PLCL1: variants seen among roughly 807,000 people sequenced by gnomAD.
PLCL1 encodes the protein phospholipase C like 1 (inactive), also known as inactive phospholipase C-like protein 1.
Under a neutral mutation model 84.4 loss-of-function variants are expected in PLCL1, and 41 were observed. The ratio of observed to expected loss-of-function variants is 0.49; its 90% CI spans 0.38 to 0.63. PLCL1 has a LOEUF of 0.63. Ranked by LOEUF, PLCL1 falls within the 30% of genes least tolerant of loss-of-function variation. The pLI is 0.00. For synonymous variants in PLCL1, 490 were observed against 488.3 expected, an observed-to-expected ratio of 1.00 and a Z score of -0.05; for missense variants, 1,206 against 1,367.8, an observed-to-expected ratio of 0.88 and a Z score of 1.87.
chr2:197,998,342 T>C (rs1690518917), intron 1 of PLCL1, among the ~76,000 whole-genome samples: 1 of 152,116 alleles, frequency 6.6e-6, no homozygotes, highest in Non-Finnish European at 1.5e-5. Flanking sequence ...TATTCTCAAC[T>C]AACATTCTTC....
chr2:198,135,169 C>T (rs1352110175), intron 5 of PLCL1, among the ~76,000 whole-genome samples: 2 of 152,084 alleles, frequency 1.3e-5, no homozygotes, highest in Non-Finnish European at 2.9e-5. Context: ...TCTATAGAAG[C>T]TCCTTCTGTA....
intron 5 of PLCL1, among the ~76,000 whole-genome samples, chr2:198,133,872 A>C (rs181897941): frequency 6.6e-6 from 1 of 152,330 alleles, no homozygotes; most frequent in East Asian, 1.9e-4. Context: ...GTTTTGGGAC[A>C]ACTGGGGAAA....
Position 198,086,050 on chromosome 2 carries a change from A to T in PLCL1, c.2533A>T (p.Ile845Leu), listed in dbSNP as rs1216853108. The T allele has an allele frequency of 6.2e-7, 1 of 1,613,990 alleles. No individual in the cohort carries two copies. Among genetic ancestry groups the T allele is most frequent in the Non-Finnish European group, 8.5e-7 (1 of 1,180,008 alleles). ...IMEHVTLFVH[I>L]AITNRSGGGK... ...GGAGCACGTAACCCTTTTTGTCCACATAGCAATAACTAATCGAAGTGGAGG... is the reference window on the plus strand; with the variant it reads ...GGAGCACGTAACCCTTTTTGTCCACTTAGCAATAACTAATCGAAGTGGAGG... The change falls in exon 2 of 6, where the codon ATA becomes TTA. Residue 845 changes from isoleucine (I) to leucine (L), a missense_variant. Transcript: ENST00000428675.
chr2:197,925,698 C>T (rs904742349), intron 1 of PLCL1, among the ~76,000 whole-genome samples: 9 of 152,104 alleles, frequency 5.9e-5, no homozygotes, highest in Non-Finnish European at 1.0e-4. Flanking sequence ...GCTAGTTGTA[C>T]TTAAACTACA....
intron 1 of PLCL1, among the ~76,000 whole-genome samples, chr2:197,903,533 G>A (rs1688312970): frequency 7.8e-6 from 1 of 128,608 alleles, no homozygotes; most frequent in Admixed American, 8.9e-5. Context: ...GCCCAGGCTG[G>A]AGTGCAGTGG....
At chr2:197,974,516 T>C (rs1689928955) in intron 1 of PLCL1, among the ~76,000 whole-genome samples, 1 of 152,260 alleles carries the variant, frequency 6.6e-6, no homozygotes. Context: ...ACATCACTTT[T>C]ATCTGATAAT....
intron 1 of PLCL1, among the ~76,000 whole-genome samples, chr2:198,018,509 T>C (rs138265523): frequency 2.3e-3 from 355 of 152,226 alleles, no homozygotes; most frequent in Non-Finnish European, 4.0e-3. Context: ...AGCACAGCAG[T>C]CTGAAATTGA....
chr2:198,045,575 T>C (rs1328703254), intron 1 of PLCL1, among the ~76,000 whole-genome samples: 1 of 152,178 alleles, frequency 6.6e-6, no homozygotes, highest in Non-Finnish European at 1.5e-5. Context: ...AAGAAATAAT[T>C]GTTTTGCATT....
chr2:198,118,429 TTCCTCTTTAAATAACAGC>T (rs1186953266), intron 5 of PLCL1, among the ~76,000 whole-genome samples: 1 of 151,940 alleles, frequency 6.6e-6, no homozygotes, highest in Non-Finnish European at 1.5e-5. Context: ...ACTACTGTCC[TTCCTCTTTAAATAACAGC>T]TCCTGGGAAG....
chr2:197,967,896 T>G (rs1308649213), intron 1 of PLCL1, among the ~76,000 whole-genome samples: 1 of 152,228 alleles, frequency 6.6e-6, no homozygotes, highest in East Asian at 1.9e-4. Flanking sequence ...AGAAAAGTTA[T>G]TGTCATCTTG....
chr2:198,111,245 C>G (rs1191490206), intron 5 of PLCL1, among the ~76,000 whole-genome samples: 1 of 151,860 alleles, frequency 6.6e-6, no homozygotes, highest in Admixed American at 6.6e-5. Context: ...CACTCAGGAA[C>G]ACAGGCTAAT....
intron 4 of PLCL1, 44 bp downstream of exon 4, chr2:198,101,404 G>C: frequency 9.8e-7 from 1 of 1,020,776 alleles, no homozygotes; most frequent in Non-Finnish European, 1.5e-6. Flanking sequence ...TTTCTATTTT[G>C]TTTGGAAACT....
intron 3 of PLCL1, among the ~76,000 whole-genome samples, chr2:198,092,652 A>C (rs1434776770): frequency 6.6e-6 from 1 of 152,094 alleles, no homozygotes; most frequent in African/African-American, 2.4e-5. Context: ...TCTTAGCTCA[A>C]ATGTCATTTT....
At chr2:197,863,385 T>G (rs1267780424) in intron 1 of PLCL1, among the ~76,000 whole-genome samples, 1 of 152,132 alleles carries the variant, frequency 6.6e-6, no homozygotes, top group African/African-American at 2.4e-5. Context: ...TTATATAAAA[T>G]AGTATTATGA....
intron 1 of PLCL1, among the ~76,000 whole-genome samples, chr2:197,887,747 G>A (rs1687948566): frequency 6.6e-6 from 1 of 152,026 alleles, no homozygotes; most frequent in African/African-American, 2.4e-5. Flanking sequence ...CCACCATTCC[G>A]AGTCTCCAGT....
At chr2:197,904,002 C>T (rs2105739608) in intron 1 of PLCL1, among the ~76,000 whole-genome samples, 1 of 151,026 alleles carries the variant, frequency 6.6e-6, no homozygotes, top group Non-Finnish European at 1.5e-5. Flanking sequence ...GGTGTTTCAC[C>T]ATGTTGGCCA....
chr2:198,054,991 A>C (rs1692027043), intron 1 of PLCL1, among the ~76,000 whole-genome samples: 1 of 152,176 alleles, frequency 6.6e-6, no homozygotes, highest in African/African-American at 2.4e-5. Context: ...TTGGCAAATC[A>C]GAAGGTGCAC....
intron 1 of PLCL1, among the ~76,000 whole-genome samples, chr2:197,824,137 G>T (rs929993602): frequency 2.0e-5 from 3 of 151,644 alleles, no homozygotes; most frequent in Admixed American, 6.6e-5. Context: ...ATATATAATG[G>T]TTTTTTTTCC....
intron 1 of PLCL1, among the ~76,000 whole-genome samples, chr2:197,843,571 G>A (rs1402444293): frequency 2.0e-5 from 3 of 152,110 alleles, no homozygotes; most frequent in African/African-American, 7.2e-5. Context: ...GAATCCACAA[G>A]GAAAATCTCA....
Sources: gnomAD v4.1 joint callset for allele counts (sites outside exome capture counted in the v4.1 genomes callset) on GRCh38, gnomAD v4.1.1 for gene constraint, MANE v1.5 for transcripts, NCBI Gene and HGNC (gene_info 2026-07-23, HGNC 2026-07-21) for gene names.